MCPH1: variants seen among roughly 807,000 people sequenced by gnomAD.
MCPH1 encodes microcephalin 1.
In MCPH1, 104 loss-of-function variants were observed where a neutral mutation model predicts 84.5. That is an observed-to-expected ratio of 1.23 (90% CI 1.05 to 1.45). The LOEUF is 1.45. Ranked by LOEUF, MCPH1 falls within the 40% of genes most tolerant of loss-of-function variation. The pLI, the probability that MCPH1 is intolerant of heterozygous loss-of-function variation, is 0.00. For synonymous variants in MCPH1, 514 were observed against 366.8 expected (o/e 1.40, Z -4.58); for missense variants, 1,498 against 1,005.7 (o/e 1.49, Z -6.62).
intron 11 of MCPH1, among the ~76,000 whole-genome samples, chr8:6,488,176 G>A (rs1223480193): frequency 6.6e-6 from 1 of 152,234 alleles, no homozygotes; most frequent in Non-Finnish European, 1.5e-5. Flanking sequence ...TCTGGCCGCT[G>A]GGAGCATGGG....
intron 11 of MCPH1, among the ~76,000 whole-genome samples, chr8:6,496,070 T>G (rs1045431197): frequency 6.6e-6 from 1 of 152,194 alleles, no homozygotes; most frequent in Non-Finnish European, 1.5e-5. Flanking sequence ...ACACTTTATT[T>G]CTATTATTAT....
intron 12 of MCPH1, among the ~76,000 whole-genome samples, chr8:6,615,188 C>G (rs899889927): frequency 6.6e-6 from 1 of 152,218 alleles, no homozygotes; most frequent in Non-Finnish European, 1.5e-5. Context: ...GTCTCAGGAC[C>G]TGAGGGGCTC....
chr8:6,439,464 C>G (rs938195796), intron 6 of MCPH1, among the ~76,000 whole-genome samples: 3 of 150,128 alleles, frequency 2.0e-5, no homozygotes, highest in African/African-American at 7.4e-5. Context: ...GATCTGGGCT[C>G]ACTGCAACCT....
intron 13 of MCPH1, chr8:6,626,944 C>A (rs1796764342): frequency 2.0e-6 from 2 of 984,348 alleles, no homozygotes; most frequent in African/African-American, 1.8e-5. Context: ...TACATTTATG[C>A]TATTGTGGGA....
intron 12 of MCPH1, among the ~76,000 whole-genome samples, chr8:6,539,730 G>A (rs951488612): frequency 1.3e-5 from 2 of 152,140 alleles, no homozygotes; most frequent in African/African-American, 4.8e-5. Context: ...GGGGTTACAG[G>A]CGCACACCAC....
At chr8:6,600,778 A>G (rs1829299507) in intron 12 of MCPH1, among the ~76,000 whole-genome samples, 1 of 152,228 alleles carries the variant, frequency 6.6e-6, no homozygotes, top group Non-Finnish European at 1.5e-5. Flanking sequence ...CAGGAGGCAC[A>G]CAGGCCATCG....
intron 12 of MCPH1, among the ~76,000 whole-genome samples, chr8:6,601,711 C>CCA (rs1281966632): frequency 7.0e-6 from 1 of 143,274 alleles, no homozygotes; most frequent in Non-Finnish European, 1.5e-5. Context: ...ACAACACACA[C>CCA]CACACACACA....
At chr8:6,407,090 A>T in intron 1 of MCPH1, 4 of 277,346 alleles carry the variant, frequency 1.4e-5, no homozygotes, top group South Asian at 1.1e-4. Context: ...ACCTGCTTTC[A>T]CCCCTGCTGC....
chr8:6,614,353 A>T (rs1830587781), intron 12 of MCPH1, among the ~76,000 whole-genome samples: 1 of 152,136 alleles, frequency 6.6e-6, no homozygotes, highest in Non-Finnish European at 1.5e-5. Flanking sequence ...TGCCTCCTTT[A>T]TAGCTTTCCG....
chr8:6,480,239 C>G (rs1340060501), intron 10 of MCPH1, among the ~76,000 whole-genome samples: 3 of 152,084 alleles, frequency 2.0e-5, no homozygotes, highest in Non-Finnish European at 2.9e-5. Context: ...TTCTGTCTGC[C>G]TCAGCCTCCT....
chr8:6,578,188 A>G (rs146070450), intron 12 of MCPH1, among the ~76,000 whole-genome samples: 1 of 152,354 alleles, frequency 6.6e-6, no homozygotes, highest in Non-Finnish European at 1.5e-5. Flanking sequence ...AGCTCCAGCC[A>G]CTGTAGTGGC....
At chr8:6,503,986 G>C (rs1029471080) in intron 12 of MCPH1, among the ~76,000 whole-genome samples, 6 of 152,180 alleles carry the variant, frequency 3.9e-5, no homozygotes, top group Non-Finnish European at 5.9e-5. Flanking sequence ...CCTGAAGTCA[G>C]CTGGGCCAAA....
chr8:6,531,553 A>C (rs1051294199), intron 12 of MCPH1, among the ~76,000 whole-genome samples: 2 of 151,918 alleles, frequency 1.3e-5, no homozygotes, highest in African/African-American at 4.8e-5. Context: ...CGGCCTCCCA[A>C]AGTGCTGGAA....
At chr8:6,547,467 C>T (rs1387313619) in intron 12 of MCPH1, among the ~76,000 whole-genome samples, 2 of 152,114 alleles carry the variant, frequency 1.3e-5, no homozygotes, top group Non-Finnish European at 2.9e-5. Flanking sequence ...TCAGAACTGA[C>T]GTTTTCTTCT....
At chr8:6,442,227 T>A (rs1401386316) in intron 7 of MCPH1, 71 bp downstream of exon 7, 9 of 983,420 alleles carry the variant, frequency 9.2e-6, no homozygotes, top group Non-Finnish European at 1.3e-5. Context: ...GATTTAGAAT[T>A]TCATGTAGCA....
At chr8:6,514,714 C>A in intron 12 of MCPH1, 1 of 1,614,132 alleles carries the variant, frequency 6.2e-7, no homozygotes, top group Non-Finnish European at 8.5e-7. Context: ...AAAATCAACG[C>A]TGCCATCCTC....
chr8:6,516,410 G>C (rs967136856), intron 12 of MCPH1, among the ~76,000 whole-genome samples: 2 of 152,136 alleles, frequency 1.3e-5, no homozygotes, highest in East Asian at 1.9e-4. Flanking sequence ...TGATATATAG[G>C]ATTTGAATAA....
chr8:6,621,062 C>T (rs149068655), intron 12 of MCPH1: 471 of 317,808 alleles, frequency 1.5e-3, no homozygotes, highest in Middle Eastern at 0.013. Context: ...CCAGCACAGC[C>T]GGCATTTGCA....
chr8:6,411,715 C>G (rs1238667174), intron 2 of MCPH1, among the ~76,000 whole-genome samples: 3 of 152,088 alleles, frequency 2.0e-5, no homozygotes, highest in Non-Finnish European at 2.9e-5. Flanking sequence ...TATTGTTAAT[C>G]TGTGCCTAAT....
Sources: allele counts gnomAD v4.1 joint callset (sites outside exome capture counted in the v4.1 genomes callset), GRCh38; gene constraint gnomAD v4.1.1; transcripts MANE v1.5; gene names NCBI Gene and HGNC (gene_info 2026-07-23, HGNC 2026-07-21).